The following CLK1 variants were observed in gnomAD, a reference collection of about 807,000 sequenced individuals.
CLK1 encodes the protein dual specificity protein kinase CLK1.
Under a neutral mutation model 60.9 loss-of-function variants are expected in CLK1, and 40 were observed. The ratio of observed to expected loss-of-function variants is 0.66; its 90% confidence interval spans 0.51 to 0.86. The LOEUF is 0.86. Among genes scored for constraint, CLK1 ranks in the 40% least tolerant of loss-of-function variants. The probability of loss-of-function intolerance (pLI) is 0.00; values close to 1 mark genes in which losing one functional copy is unlikely to be tolerated. For missense variants in CLK1, 563 were observed against 606.1 expected, an observed-to-expected ratio of 0.93 and a Z score of 0.75; for synonymous variants, 203 against 184.4, an observed-to-expected ratio of 1.10 and a Z score of -0.82.
Position 200,860,162 on chromosome 2 carries a change from G to A in CLK1, c.444C>T (p.His148=). 6.2e-7 allele frequency: 1 copy of A among 1,613,996 alleles called. No homozygotes were observed. The highest frequency in any genetic ancestry group is 1.1e-5 in the South Asian group (1 of 91,066). ...GTACGTCTCCACTCTGACAGATCAGGTGACCCTCCTCATCATCCTCTACAC... is the reference window on the plus strand; with the variant it reads ...GTACGTCTCCACTCTGACAGATCAGATGACCCTCCTCATCATCCTCTACAC... ...TRSVEDDEEG[H]LICQSGDVLS... is the part of the protein sequence containing the mutation. The change falls in exon 4 of 13, where the codon CAC becomes CAT. Residue 148 remains histidine (H), a synonymous_variant. Transcript: ENST00000321356.
intron 10 of CLK1, 50 bp from the exon 11 acceptor site, chr2:200,854,745 C>G: frequency 7.5e-7 from 1 of 1,333,806 alleles, no homozygotes; most frequent in Non-Finnish European, 1.1e-6. Flanking sequence ...CCAAAACAGA[C>G]ACAGTTAAAG....
At position 200,860,164 on chromosome 2, in the gene CLK1, G is replaced by A. The variant is rs2039113232; in HGVS notation, c.442C>T (p.His148Tyr). Residue 148 changes from histidine to tyrosine, a missense_variant, in exon 4 of 13, where the codon CAC (histidine) becomes TAC (tyrosine). This residue lies in a region of CLK1 where 5 missense variants were observed against 19.8 expected (regional missense o/e 0.25). Coordinates refer to ENST00000321356, the MANE Select transcript of CLK1 (RefSeq NM_004071.4). Reference sequence around the variant, plus strand: ...ACGTCTCCACTCTGACAGATCAGGTGACCCTCCTCATCATCCTCTACACTC... The same window carrying A: ...ACGTCTCCACTCTGACAGATCAGGTAACCCTCCTCATCATCCTCTACACTC... ...TRSVEDDEEG[H>Y]LICQSGDVLS... The A allele has an allele frequency of 1.9e-6, 3 of 1,613,900 alleles. No individual in the cohort carries two copies. Among genetic ancestry groups the A allele is most frequent in the Non-Finnish European group, 2.5e-6 (3 of 1,180,014 alleles).
rs545391419 is a variant in CLK1 at position 200,857,450 on chromosome 2, T to C, written c.832+268A>G. 1.9e-5 allele frequency: 6 copies of C among 317,488 alleles called. No homozygotes were observed. In the East Asian group the frequency reaches 3.4e-4, roughly 18 times the overall value. 19.7% of individuals were successfully genotyped at this position (317,488 alleles called of 1,614,324 possible). Reference sequence around the variant, plus strand: ...TATGAGATATATCACGCCTTAATTTTTACCCAGCATTCGAAGTTACTATTT... The same window carrying C: ...TATGAGATATATCACGCCTTAATTTCTACCCAGCATTCGAAGTTACTATTT... On this transcript the variant is annotated intron_variant, in intron 7 of 12. Transcript: ENST00000321356.
At chr2:200,858,972 C>T (rs150365829) in intron 5 of CLK1, among the ~76,000 whole-genome samples, 1,753 of 152,138 alleles carry the variant, frequency 0.012, 15 homozygotes, top group Non-Finnish European at 0.017. Context: ...GTCAGGAGTT[C>T]GAGACCAGCC....
At chr2:200,858,350 G>A (rs961365277) in intron 5 of CLK1, among the ~76,000 whole-genome samples, 3 of 152,160 alleles carry the variant, frequency 2.0e-5, no homozygotes, top group Non-Finnish European at 2.9e-5. Context: ...TATCTCAAAT[G>A]TTCTTTTAGT....
At position 200,858,042 on chromosome 2, in the gene CLK1, T is replaced by C. The variant is rs371185193; in HGVS notation, c.596A>G (p.Tyr199Cys). ...AVKIVKNVDR[Y>C]CEAARSEIQV... ...TATTTCTGAGCGAGCAGCTTCACAG[T>C]ATCTATCCACATTTTTAACTATTTT... Residue 199 changes from tyrosine (Y) to cysteine (C), a missense_variant, in exon 6 of 13, where the codon TAC becomes TGC. By Grantham distance (194) the Tyr-to-Cys change is radical. This residue lies in a region of CLK1 where 360 missense variants were observed against 407.0 expected (regional missense o/e 0.88). Coordinates refer to ENST00000321356, the MANE Select transcript of CLK1 (RefSeq NM_004071.4). The C allele has an allele frequency of 1.9e-6, 3 of 1,614,050 alleles. No individual in the cohort carries two copies. The highest frequency in any genetic ancestry group is 2.7e-5 in the African/African-American group (2 of 75,050).
chr2:200,854,559 C>G (rs1441842812), intron 11 of CLK1, 57 bp downstream of exon 11: 7 of 1,036,602 alleles, frequency 6.8e-6, no homozygotes, highest in Non-Finnish European at 1.0e-5. Flanking sequence ...AAATTAAGTT[C>G]TAATCAGCAG....
intron 7 of CLK1, 97 bp from the exon 8 acceptor site, chr2:200,857,082 A>T (rs1304158197): frequency 2.2e-6 from 2 of 900,240 alleles, no homozygotes; most frequent in Non-Finnish European, 3.5e-6. Flanking sequence ...TCACGCCTGT[A>T]ATCACCTGAG....
At chr2:200,857,684 C>A in intron 7 of CLK1, 34 bp downstream of exon 7, 4 of 1,535,752 alleles carry the variant, frequency 2.6e-6, no homozygotes, top group East Asian at 2.3e-5. Context: ...ATGGATAAAA[C>A]CAGCAAATTA....
chr2:200,860,254 C>T, intron 3 of CLK1, 39 bp from the exon 4 acceptor site: 1 of 1,613,492 alleles, frequency 6.2e-7, no homozygotes, highest in Non-Finnish European at 8.5e-7. Context: ...ATCATCCAGC[C>T]AATCAATATA....
chr2:200,857,093 G>A, intron 7 of CLK1, 108 bp from the exon 8 acceptor site: 1 of 833,354 alleles, frequency 1.2e-6, no homozygotes, highest in Non-Finnish European at 1.9e-6. Context: ...ATCACCTGAG[G>A]TCAGGAGTTC....
At chr2:200,853,550 CAGAAAAG>C in intron 12 of CLK1, 101 bp from the exon 13 acceptor site, 1 of 1,140,524 alleles carries the variant, frequency 8.8e-7, no homozygotes. Context: ...ACCATAAAAA[CAGAAAAG>C]AGGCCAGGCA....
chr2:200,861,157 A>C (rs1309270606), intron 3 of CLK1, 81 bp downstream of exon 3: 1 of 1,541,480 alleles, frequency 6.5e-7, no homozygotes, highest in East Asian at 2.3e-5. Flanking sequence ...AAACTTTCTC[A>C]AATAATCAAA....
intron 7 of CLK1, 156 bp downstream of exon 7, chr2:200,857,562 C>T (rs1282584775): frequency 1.7e-6 from 1 of 593,236 alleles, no homozygotes; most frequent in Non-Finnish European, 2.9e-6. Context: ...GAAATGTACA[C>T]TGCTGGATCA....
rs998725211 is a variant in CLK1 at position 200,859,869 on chromosome 2, T to C, written c.482-123A>G. The C allele has an allele frequency of 6.0e-6, 9 of 1,492,780 alleles. No homozygotes were observed. In the African/African-American group the frequency reaches 1.3e-4, roughly 21 times the overall value. 92.5% of individuals were successfully genotyped at this position (1,492,780 alleles called of 1,614,324 possible). ...CAAATTTCCTTATCACTAGATATTT[T>C]ATTGGTCAACACCATCAAAAAACAT... On this transcript the variant is annotated intron_variant, in intron 4 of 12. Coordinates refer to ENST00000321356, the MANE Select transcript of CLK1 (RefSeq NM_004071.4).
chr2:200,855,026 T>C lies in CLK1; in HGVS notation c.1118A>G (p.Tyr373Cys), dbSNP rs1040082581. ...WSIGCILIEY[Y>C]LGFTVFPTHD... ...TACTGGAAATACGGTAAACCCAAGA[T>C]AGTATTCAATAAGAATGCATCCTAT... is the stretch of plus-strand genomic sequence containing the variant. Residue 373 changes from tyrosine to cysteine, a missense_variant, in exon 10 of 13, where the codon TAT becomes TGT. Tyr to Cys is a radical substitution (Grantham distance 194). Around this residue, in one of 3 missense-constraint regions of CLK1, gnomAD observed 360 missense variants for 407.0 expected, o/e 0.88. Transcript: ENST00000321356. 4 of 1,612,792 alleles carry C rather than the reference T, an allele frequency of 2.5e-6. No homozygotes were observed. The highest frequency in any genetic ancestry group is 1.3e-5 in the African/African-American group (1 of 74,850).
rs1305580159 is a variant in CLK1 at position 200,860,745 on chromosome 2, G to A, written c.390+493C>T. Reference sequence around the variant, plus strand: ...CTACGGCATTTTTAATGTCATCTGAGCTGATCTCCATACTAATATATAACC... The same window carrying A: ...CTACGGCATTTTTAATGTCATCTGAACTGATCTCCATACTAATATATAACC... On this transcript the variant is annotated intron_variant, in intron 3 of 12. Coordinates refer to ENST00000321356, the MANE Select transcript of CLK1 (RefSeq NM_004071.4). 3.0e-6 allele frequency: 3 copies of A among 1,003,056 alleles called. No individual in the cohort carries two copies. In the East Asian group the frequency reaches 3.1e-4, roughly 104 times the overall value. The allele number at this position is 1,003,056 out of a possible 1,614,324, so 62.1% of individuals were successfully genotyped here. A position where few individuals can be genotyped will look rare whatever the true frequency, so the allele number is the denominator to read the frequency against.
chr2:200,853,679 GAA>G (rs34449560), intron 12 of CLK1, among the ~76,000 whole-genome samples: 93 of 49,116 alleles, frequency 1.9e-3, no homozygotes, highest in Middle Eastern at 0.013. Flanking sequence ...GTCTTTACTT[GAA>G]AAAAAAAAAA....
intron 1 of CLK1, 86 bp downstream of exon 1, chr2:200,864,478 C>A (rs900989844): frequency 2.1e-5 from 10 of 485,530 alleles, no homozygotes; most frequent in East Asian, 1.5e-4. Flanking sequence ...GGGCAGCAAA[C>A]AAGCAGGAAA....
Sources: gnomAD v4.1 joint callset for allele counts (sites outside exome capture counted in the v4.1 genomes callset) on GRCh38, gnomAD v4.1.1 for gene constraint, gnomAD v4.1.1 regional missense constraint, MANE v1.5 for transcripts, NCBI Gene and HGNC (gene_info 2026-07-23, HGNC 2026-07-21) for gene names.